Variants in DEFB1 observed in about 807,000 individuals in gnomAD.
The protein encoded by DEFB1 is defensin beta 1, also known as beta-defensin 1.
A neutral mutation model predicts 2.6 loss-of-function variants in DEFB1; 4 were observed. The observed-to-expected ratio is 1.53, with a 90% CI of 0.76 to 3.51. DEFB1 has a LOEUF of 3.51. Ranked by LOEUF, DEFB1 falls within the 30% of genes most tolerant of loss-of-function variation. The probability of loss-of-function intolerance (pLI) is 0.01; values close to 1 mark genes in which losing one functional copy is unlikely to be tolerated. For missense variants in DEFB1, 162 were observed against 76.9 expected, an observed-to-expected ratio of 2.11 and a Z score of -4.14; for synonymous variants, 56 against 28.5, an observed-to-expected ratio of 1.96 and a Z score of -3.07.
At chr8:6,874,103 C>G (rs1806427898) in intron 1 of DEFB1, among the ~76,000 whole-genome samples, 2 of 148,526 alleles carry the variant, frequency 1.3e-5, no homozygotes, top group South Asian at 4.3e-4. Context: ...AAAAGAACAG[C>G]TAGAATATCT....
At chr8:6,871,915 C>G (rs1434051969) in intron 1 of DEFB1, among the ~76,000 whole-genome samples, 4 of 152,182 alleles carry the variant, frequency 2.6e-5, no homozygotes, top group African/African-American at 9.7e-5. Flanking sequence ...ATCTGGTAGC[C>G]TGAGCGGACT....
At chr8:6,877,106 A>G (rs1190211956) in intron 1 of DEFB1, among the ~76,000 whole-genome samples, 1 of 152,142 alleles carries the variant, frequency 6.6e-6, no homozygotes. Flanking sequence ...AAGGCTTAGC[A>G]CCATGTGACT....
At chr8:6,871,516 C>G (rs1806313452) in intron 1 of DEFB1, among the ~76,000 whole-genome samples, 1 of 152,196 alleles carries the variant, frequency 6.6e-6, no homozygotes, top group African/African-American at 2.4e-5. Context: ...CGCCATGTTG[C>G]AAGTCTCCAC....
Position 6,877,908 on chromosome 8 carries a change from T to TG in DEFB1, c.-52_-51insC. 6.4e-7 allele frequency: 1 copy of TG among 1,563,670 alleles called. No homozygotes were observed. The highest frequency in any genetic ancestry group is 8.8e-7 in the Non-Finnish European group (1 of 1,134,336). On this transcript the variant is annotated 5_prime_UTR_variant, in exon 1 of 2. Transcript: ENST00000297439. ...TTTCAGGAACTGGGGAGACGCTGGC[T>TG]CCTTTGGAGGCTGAGCTGACAGAGG...
intron 1 of DEFB1, among the ~76,000 whole-genome samples, chr8:6,877,587 C>T (rs569668696): frequency 6.6e-6 from 1 of 152,222 alleles, no homozygotes; most frequent in African/African-American, 2.4e-5. Context: ...ATGACCCTGC[C>T]AGGCTCACTC....
At chr8:6,877,004 C>G (rs1315943623) in intron 1 of DEFB1, among the ~76,000 whole-genome samples, 1 of 152,156 alleles carries the variant, frequency 6.6e-6, no homozygotes, top group Non-Finnish European at 1.5e-5. Flanking sequence ...CCTAGAGAAA[C>G]TTACAATAGG....
At chr8:6,874,513 A>G (rs1806444842) in intron 1 of DEFB1, among the ~76,000 whole-genome samples, 1 of 152,370 alleles carries the variant, frequency 6.6e-6, no homozygotes, top group East Asian at 1.9e-4. Context: ...GCTTTACTGT[A>G]TTTCAAGACT....
chr8:6,875,809 T>A (rs1354393468), intron 1 of DEFB1, among the ~76,000 whole-genome samples: 1 of 152,132 alleles, frequency 6.6e-6, no homozygotes, highest in Admixed American at 6.5e-5. Context: ...CCAATAGAAA[T>A]GTGTGCACAA....
rs1007112265 is a variant in DEFB1 at position 6,877,853 on chromosome 8, C to T, written c.5G>A (p.Arg2Lys). Residue 2 changes from arginine to lysine, a missense_variant, in exon 1 of 2, where the codon AGA (arginine) becomes AAA (lysine). By Grantham distance (26) the Arg-to-Lys change is conservative. Transcript: ENST00000297439. Reference sequence around the variant, plus strand: ...AGTAAACAGCAGAAGGTAGGAAGTTCTCATGGCGACTGGCAGGCAACACCC... The same window carrying T: ...AGTAAACAGCAGAAGGTAGGAAGTTTTCATGGCGACTGGCAGGCAACACCC... M[R>K]TSYLLLFTLC... 2.5e-6 allele frequency: 4 copies of T among 1,613,964 alleles called. No homozygotes were observed. In the Admixed American group the frequency reaches 6.7e-5, roughly 27 times the overall value.
At chr8:6,876,351 C>T (rs1315837055) in intron 1 of DEFB1, among the ~76,000 whole-genome samples, 2 of 152,082 alleles carry the variant, frequency 1.3e-5, no homozygotes, top group Non-Finnish European at 2.9e-5. Flanking sequence ...TGGCATGCAC[C>T]TGTAATCCCA....
intron 1 of DEFB1, among the ~76,000 whole-genome samples, chr8:6,872,073 T>G (rs1331061959): frequency 6.6e-6 from 1 of 152,146 alleles, no homozygotes; most frequent in East Asian, 1.9e-4. Context: ...GTAATTCCAC[T>G]TTTGAAAAAC....
chr8:6,874,750 G>C (rs1806456698), intron 1 of DEFB1, among the ~76,000 whole-genome samples: 1 of 152,196 alleles, frequency 6.6e-6, no homozygotes, highest in African/African-American at 2.4e-5. Context: ...GTGAGGCAGA[G>C]GCAGGCAGAT....
At chr8:6,870,909 T>A in intron 1 of DEFB1, 83 bp from the exon 2 acceptor site, 1 of 1,444,414 alleles carries the variant, frequency 6.9e-7, no homozygotes, top group Non-Finnish European at 9.3e-7. Context: ...GCAGAACAAA[T>A]AACTGCAAAA....
At chr8:6,876,063 A>C (rs1806515320) in intron 1 of DEFB1, among the ~76,000 whole-genome samples, 2 of 152,352 alleles carry the variant, frequency 1.3e-5, no homozygotes, top group South Asian at 4.1e-4. Flanking sequence ...CCACCATCAG[A>C]AAGAAATTTC....
intron 1 of DEFB1, among the ~76,000 whole-genome samples, chr8:6,876,979 T>C (rs987436832): frequency 6.6e-6 from 1 of 152,178 alleles, no homozygotes; most frequent in African/African-American, 2.4e-5. Context: ...GCCTATCTGC[T>C]GGATACAGTG....
chr8:6,871,440 A>G (rs973593198), intron 1 of DEFB1, among the ~76,000 whole-genome samples: 3 of 152,142 alleles, frequency 2.0e-5, no homozygotes, highest in African/African-American at 7.2e-5. Flanking sequence ...GTACTCTGGA[A>G]TAGCCTTCTA....
chr8:6,876,432 G>A (rs1421811812), intron 1 of DEFB1, among the ~76,000 whole-genome samples: 1 of 152,056 alleles, frequency 6.6e-6, no homozygotes, highest in Non-Finnish European at 1.5e-5. Context: ...AGCTGAGATT[G>A]TGCCATTGCA....
chr8:6,873,655 G>T (rs1051291358), intron 1 of DEFB1, among the ~76,000 whole-genome samples: 29 of 151,162 alleles, frequency 1.9e-4, no homozygotes, highest in African/African-American at 6.8e-4. Flanking sequence ...GCTAAACACT[G>T]AGACACTGGG....
chr8:6,875,176 T>G (rs2951855), intron 1 of DEFB1, among the ~76,000 whole-genome samples: 8 of 151,656 alleles, frequency 5.3e-5, no homozygotes. Flanking sequence ...GAAGACAATA[T>G]TGGGGACTAT....
Sources: allele counts gnomAD v4.1 joint callset (sites outside exome capture counted in the v4.1 genomes callset), GRCh38; gene constraint gnomAD v4.1.1; transcripts MANE v1.5; gene names NCBI Gene and HGNC (gene_info 2026-07-23, HGNC 2026-07-21).